Variants in LAMA5 observed in about 807,000 individuals in gnomAD.
LAMA5 encodes the protein laminin subunit alpha-5.
A neutral mutation model predicts 433.4 loss-of-function variants in LAMA5; 260 were observed. That is an observed-to-expected ratio of 0.60 (90% CI 0.54 to 0.66). The LOEUF is 0.66. LAMA5 is among the 30% of genes least tolerant of loss of function. LAMA5 has a pLI of 0.00. For synonymous variants in LAMA5, 2,620 were observed against 2,226.6 expected (o/e 1.18, Z -4.97); for missense variants, 5,378 against 5,258.5 (o/e 1.02, Z -0.70).
chr20:62,366,233 G>C (rs1986711299), intron 1 of LAMA5, among the ~76,000 whole-genome samples: 1 of 152,194 alleles, frequency 6.6e-6, no homozygotes, highest in Admixed American at 6.5e-5. Flanking sequence ...TGGTTTTCAG[G>C]TGAGGTGTCC....
At position 62,352,029 on chromosome 20, in the gene LAMA5, G is replaced by A; in HGVS notation, c.738C>T (p.Tyr246=). 2 of 1,612,688 alleles carry A rather than the reference G, an allele frequency of 1.2e-6. No individual in the cohort carries two copies. Among genetic ancestry groups the A allele is most frequent in the Non-Finnish European group, 1.7e-6 (2 of 1,179,942 alleles). The change falls in exon 5 of 80, where the codon TAC becomes TAT. Residue 246 remains tyrosine (Y), a synonymous_variant. Transcript: ENST00000252999. ...NGRPGAMNFS[Y]SPLLREFTKA... ...TGGTGAACTCACGTAGCAGCGGCGAGTAGGAGAAATTCATGGCGCCCGGAC... is the reference window on the plus strand; with the variant it reads ...TGGTGAACTCACGTAGCAGCGGCGAATAGGAGAAATTCATGGCGCCCGGAC...
chr20:62,348,119 C>A (rs1983655198), intron 6 of LAMA5, among the ~76,000 whole-genome samples: 1 of 152,138 alleles, frequency 6.6e-6, no homozygotes, highest in Non-Finnish European at 1.5e-5. Flanking sequence ...CTGGCGATAC[C>A]CTGGGGTGTA....
chr20:62,333,737 C>T, intron 23 of LAMA5, 31 bp from the exon 24 acceptor site: 1 of 1,545,560 alleles, frequency 6.5e-7, no homozygotes, highest in Non-Finnish European at 8.7e-7. Flanking sequence ...GACTCCTGAG[C>T]CCAGCCCTTG....
intron 55 of LAMA5, 93 bp downstream of exon 55, chr20:62,317,252 C>T (rs1987041222): frequency 1.5e-6 from 2 of 1,353,766 alleles, no homozygotes; most frequent in Non-Finnish European, 2.0e-6. Context: ...ACGGCCTCAG[C>T]CCCTAGGAGC....
At position 62,327,286 on chromosome 20, in the gene LAMA5, C is replaced by T. The variant is rs371271948; in HGVS notation, c.5059G>A (p.Glu1687Lys). Residue 1687 changes from glutamate to lysine, a missense_variant, in exon 38 of 80, where the codon GAG becomes AAG. By Grantham distance (56) the Glu-to-Lys change is moderately conservative. Coordinates refer to ENST00000252999, the MANE Select transcript of LAMA5 (RefSeq NM_005560.6). ...TGCCAGTACAGCTCGGGGAAAGCCT[C>T]GGGCACAGCCTCAGGCACGTGCCGC... The part of the protein sequence containing the change: ...DLRHVPEAVP[E>K]AFPELYWQAP... The T allele has an allele frequency of 1.2e-4, 196 of 1,573,378 alleles. No individual in the cohort carries two copies. Among genetic ancestry groups the T allele is most frequent in the Non-Finnish European group, 1.6e-4 (187 of 1,160,156 alleles).
At chr20:62,323,714 C>T in intron 44 of LAMA5, 44 bp from the exon 45 acceptor site, 1 of 1,593,738 alleles carries the variant, frequency 6.3e-7, no homozygotes, top group South Asian at 1.1e-5. Context: ...CCGTGGCGCC[C>T]ACCCTCGCAT....
At chr20:62,339,487 C>A (rs902232401) in intron 11 of LAMA5, among the ~76,000 whole-genome samples, 3 of 152,030 alleles carry the variant, frequency 2.0e-5, no homozygotes, top group Admixed American at 1.3e-4. Context: ...CCGCCTGCCT[C>A]GGCCTCCCAA....
chr20:62,327,130 T>C (rs761299130), intron 38 of LAMA5, 103 bp downstream of exon 38: 78 of 1,236,668 alleles, frequency 6.3e-5, no homozygotes, highest in Admixed American at 3.4e-4. Flanking sequence ...CGGACCCCCA[T>C]GGAGCTCCCC....
At chr20:62,356,019 T>C (rs1216605443) in intron 2 of LAMA5, among the ~76,000 whole-genome samples, 1 of 152,206 alleles carries the variant, frequency 6.6e-6, no homozygotes. Context: ...CTCCCTCCCC[T>C]TCAGCAGGCC....
chr20:62,325,750 C>G (rs1979180129), intron 40 of LAMA5, among the ~76,000 whole-genome samples: 2 of 152,170 alleles, frequency 1.3e-5, no homozygotes. Context: ...CAAACCAGCT[C>G]CAGATGCCTT....
Position 62,353,212 on chromosome 20 carries a change from A to G in LAMA5, c.490T>C (p.Ser164Pro), listed in dbSNP as rs1394045064. ...AGCACCCAGAGGTCCGGCCGGGGTG[A>G]GTTGGCAAACTTGATGAGGACGTAG... is the stretch of plus-strand genomic sequence containing the variant. ...VAYVLIKFAN[S>P]PRPDLWVLER... The change falls in exon 3 of 80, where the codon TCA becomes CCA. Residue 164 changes from serine (S) to proline (P), a missense_variant. Physicochemically the swap from Ser to Pro is moderately conservative, Grantham distance 74. Coordinates refer to ENST00000252999, the MANE Select transcript of LAMA5 (RefSeq NM_005560.6). 1.3e-6 allele frequency: 2 copies of G among 1,593,292 alleles called. No individual in the cohort carries two copies. The highest frequency in any genetic ancestry group is 1.7e-5 in the Admixed American group (1 of 57,388).
Position 62,316,946 on chromosome 20 carries a change from T to A in LAMA5, c.7589A>T (p.Gln2530Leu). ...EASNAYSRIL[Q>L]AVQAAEDAAG... Reference sequence around the variant, plus strand: ...AGCATCCTCGGCAGCCTGCACGGCCTGCAGGATGCGGCTGTAGGCGTTGGA... The same window carrying A: ...AGCATCCTCGGCAGCCTGCACGGCCAGCAGGATGCGGCTGTAGGCGTTGGA... Residue 2530 changes from glutamine to leucine, a missense_variant, in exon 56 of 80, where the codon CAG becomes CTG. Coordinates refer to ENST00000252999, the MANE Select transcript of LAMA5 (RefSeq NM_005560.6). 6.4e-7 allele frequency: 1 copy of A among 1,568,840 alleles called. No homozygotes were observed. The highest frequency in any genetic ancestry group is 8.7e-7 in the Non-Finnish European group (1 of 1,153,398).
chr20:62,344,505 G>C (rs1399496796), intron 11 of LAMA5, among the ~76,000 whole-genome samples: 1 of 151,992 alleles, frequency 6.6e-6, no homozygotes, highest in Non-Finnish European at 1.5e-5. Context: ...TGTCACCTAG[G>C]CTGGAGTGTG....
At position 62,312,536 on chromosome 20, in the gene LAMA5, T is replaced by G. The variant is rs1454736536; in HGVS notation, c.9228-4A>C. ...GGTGGGGAAGAGCCGTCGCAGGCTG[T>G]GGGGAAGCGGGGATGCGGGTCAGGG... On this transcript the variant is annotated splice_region_variant and splice_polypyrimidine_tract_variant and intron_variant, in intron 67 of 79. Transcript: ENST00000252999. 1.9e-6 allele frequency: 3 copies of G among 1,599,438 alleles called. No individual in the cohort carries two copies. The highest frequency in any genetic ancestry group is 1.1e-5 in the South Asian group (1 of 90,958).
rs754365411 is a variant in LAMA5, at chr20:62,333,219, G to C, written c.3153C>G (p.Pro1051=). 1.3e-6 allele frequency: 2 copies of C among 1,530,670 alleles called. No homozygotes were observed. The highest frequency in any genetic ancestry group is 2.0e-5 in the Admixed American group (1 of 49,320). 94.8% of individuals were successfully genotyped at this position (1,530,670 alleles called of 1,614,324 possible). The part of the protein sequence containing the change: ...GDNCLLYTHL[P]LDGFPSAAGL... ...CGGCGGCCGAGGGGAAGCCATCCAG[G>C]GGGAGGTGTGTGTAGAGGAGGCAGC... The change falls in exon 26 of 80, where the codon CCC becomes CCG. Residue 1051 remains proline, a synonymous_variant. Transcript: ENST00000252999.
intron 50 of LAMA5, 97 bp from the exon 51 acceptor site, chr20:62,319,892 G>A (rs1987486749): frequency 1.2e-6 from 1 of 852,916 alleles, no homozygotes; most frequent in Non-Finnish European, 1.8e-6. Context: ...AGGGTCCCAG[G>A]GAAGAGGGGC....
Position 62,310,233 on chromosome 20 carries a change from T to C in LAMA5, c.10679A>G (p.His3560Arg). ...RPLAVTGLIF[H>R]LGQARTPPYL... ...GGGGGGCGTCCGGGCCTGGCCCAAG[T>C]GGAAGATCAGTCCGGTGACTGCCAG... Residue 3560 changes from histidine (H) to arginine (R), a missense_variant, in exon 77 of 80, where the codon CAC becomes CGC. Physicochemically the swap from His to Arg is conservative, Grantham distance 29. Transcript: ENST00000252999. 1 of 1,612,436 alleles carries C rather than the reference T, an allele frequency of 6.2e-7. No individual in the cohort carries two copies. Among genetic ancestry groups the C allele is most frequent in the South Asian group, 1.1e-5 (1 of 91,054 alleles).
chr20:62,320,041 G>A (rs549261055), intron 50 of LAMA5, among the ~76,000 whole-genome samples: 4 of 152,160 alleles, frequency 2.6e-5, no homozygotes, highest in East Asian at 1.9e-4. Flanking sequence ...ATTTGAGGCC[G>A]GCCACAGTGG....
Position 62,320,643 on chromosome 20 carries a change from G to T in LAMA5, c.6675C>A (p.Pro2225=). Residue 2225 remains proline, a synonymous_variant, in exon 50 of 80, where the codon CCC becomes CCA. Coordinates refer to ENST00000252999, the MANE Select transcript of LAMA5 (RefSeq NM_005560.6). ...CCAGCTGCTGTGCCGTCTCATGGCGGGGGCCCAGGGGGCTCCGGAGCTGGC... is the reference window on the plus strand; with the variant it reads ...CCAGCTGCTGTGCCGTCTCATGGCGTGGGCCCAGGGGGCTCCGGAGCTGGC... ...LQSQLRSPLG[P]RHETAQQLEV... 6.2e-7 allele frequency: 1 copy of T among 1,606,560 alleles called. No individual in the cohort carries two copies. The highest frequency in any genetic ancestry group is 8.5e-7 in the Non-Finnish European group (1 of 1,177,816).
Sources: gnomAD v4.1 joint callset for allele counts (sites outside exome capture counted in the v4.1 genomes callset) on GRCh38, gnomAD v4.1.1 for gene constraint, MANE v1.5 for transcripts, NCBI Gene and HGNC (gene_info 2026-07-23, HGNC 2026-07-21) for gene names.